Variants in NEK11 observed in about 807,000 individuals in gnomAD.
NEK11 encodes serine/threonine-protein kinase Nek11.
NEK11 carries 72 observed loss-of-function variants against 80.7 expected under a neutral mutation model. That is an observed-to-expected ratio of 0.89 (90% CI 0.74 to 1.08). The LOEUF is 1.08. Among genes scored for constraint, NEK11 ranks in the 50% least tolerant of loss-of-function variants. The probability of loss-of-function intolerance (pLI) is 0.00; values close to 1 mark genes in which losing one functional copy is unlikely to be tolerated. For synonymous variants in NEK11, 251 were observed against 260.7 expected, an observed-to-expected ratio of 0.96 and a Z score of 0.36; for missense variants, 764 against 763.6, an observed-to-expected ratio of 1.00 and a Z score of -0.01.
At chr3:131,047,996 TTA>T (rs200151821) in intron 3 of NEK11, among the ~76,000 whole-genome samples, 176 of 152,160 alleles carry the variant, frequency 1.2e-3, no homozygotes, top group African/African-American at 4.1e-3. Flanking sequence ...GCCAGTGGGA[TTA>T]TGTTTCCAGG....
chr3:131,167,404 G>A (rs1261018332), intron 12 of NEK11, among the ~76,000 whole-genome samples: 1 of 152,110 alleles, frequency 6.6e-6, no homozygotes, highest in Non-Finnish European at 1.5e-5. Context: ...GTTACCATAT[G>A]GCAAAAAAGA....
intron 5 of NEK11, among the ~76,000 whole-genome samples, chr3:131,113,949 A>G (rs2080573540): frequency 6.6e-6 from 1 of 151,364 alleles, no homozygotes; most frequent in Non-Finnish European, 1.5e-5. Flanking sequence ...GCTTAAATAT[A>G]ACTATTGTTT....
At chr3:131,174,011 C>T (rs1014647941) in intron 14 of NEK11, among the ~76,000 whole-genome samples, 1 of 151,998 alleles carries the variant, frequency 6.6e-6, no homozygotes, top group Admixed American at 6.6e-5. Context: ...TAAACATTTC[C>T]GTTATTTTTT....
chr3:131,296,727 T>C (rs1389117453), intron 17 of NEK11, among the ~76,000 whole-genome samples: 3 of 152,082 alleles, frequency 2.0e-5, no homozygotes, highest in Admixed American at 1.3e-4. Context: ...TAGTTACATA[T>C]GTGTACATGT....
chr3:131,074,684 G>C (rs1306571455), intron 3 of NEK11, among the ~76,000 whole-genome samples: 2 of 152,138 alleles, frequency 1.3e-5, no homozygotes, highest in Non-Finnish European at 2.9e-5. Flanking sequence ...TTTGCTGCTT[G>C]AGCTCCACCC....
At chr3:131,266,718 A>C (rs566401973) in intron 16 of NEK11, among the ~76,000 whole-genome samples, 2 of 152,334 alleles carry the variant, frequency 1.3e-5, no homozygotes, top group Admixed American at 6.5e-5. Context: ...GATGTCTATT[A>C]GGTCTGCCTG....
chr3:131,118,037 T>TC (rs1457636321), intron 5 of NEK11, among the ~76,000 whole-genome samples: 2 of 152,166 alleles, frequency 1.3e-5, no homozygotes, highest in African/African-American at 4.8e-5. Flanking sequence ...AGAGAGGGCA[T>TC]CCCTGTCTTG....
rs144631196 is a variant in NEK11, at chr3:131,305,435, C to G, written c.1718+31861C>G. Reference sequence around the variant, plus strand: ...AGGGTGGGGCCCCAGGAGAAGCCAGCAGACACAGGAGTGCTCAGATTGGAC... The same window carrying G: ...AGGGTGGGGCCCCAGGAGAAGCCAGGAGACACAGGAGTGCTCAGATTGGAC... On this transcript the variant is annotated intron_variant, in intron 17 of 17. Coordinates refer to ENST00000383366, the MANE Select transcript of NEK11 (RefSeq NM_024800.5). Among the ~76,000 whole-genome samples the G allele has an allele frequency of 1.4e-4, 21 of 152,204 alleles. No homozygotes were observed. The East Asian group carries it at 4.1e-3, about 30-fold the overall frequency.
At chr3:131,291,924 C>T (rs2096547524) in intron 17 of NEK11, among the ~76,000 whole-genome samples, 1 of 152,176 alleles carries the variant, frequency 6.6e-6, no homozygotes, top group South Asian at 2.1e-4. Context: ...TTGTCTTTCA[C>T]AGAGCGGTCC....
intron 17 of NEK11, among the ~76,000 whole-genome samples, chr3:131,275,604 T>TTTTATA (rs2096278882): frequency 6.6e-6 from 1 of 152,194 alleles, no homozygotes; most frequent in East Asian, 1.9e-4. Context: ...CCTGCCATCC[T>TTTTATA]TTTATATTTT....
intron 3 of NEK11, among the ~76,000 whole-genome samples, chr3:131,030,103 G>C (rs1457240820): frequency 6.6e-6 from 1 of 152,134 alleles, no homozygotes; most frequent in Non-Finnish European, 1.5e-5. Context: ...AGCCAGGCAG[G>C]GTGGTACATG....
At chr3:131,265,972 T>C (rs910746436) in intron 16 of NEK11, among the ~76,000 whole-genome samples, 1 of 152,232 alleles carries the variant, frequency 6.6e-6, no homozygotes, top group African/African-American at 2.4e-5. Flanking sequence ...AATTTATCCA[T>C]TTCTTCTAGA....
chr3:131,234,415 C>T (rs527752302), intron 15 of NEK11, among the ~76,000 whole-genome samples: 92 of 152,198 alleles, frequency 6.0e-4, no homozygotes, highest in Non-Finnish European at 1.0e-3. Flanking sequence ...TAGAGGTCAT[C>T]AGTTCTAAAA....
intron 17 of NEK11, among the ~76,000 whole-genome samples, chr3:131,290,751 T>A (rs1206821916): frequency 1.3e-5 from 2 of 152,204 alleles, no homozygotes; most frequent in Non-Finnish European, 2.9e-5. Context: ...AACTGCCTAC[T>A]GGAAAAATCA....
chr3:131,144,307 C>A (rs1951417913), intron 7 of NEK11, among the ~76,000 whole-genome samples: 1 of 152,096 alleles, frequency 6.6e-6, no homozygotes, highest in South Asian at 2.1e-4. Flanking sequence ...TCACAGTTGT[C>A]TGTATTTTGG....
At chr3:131,332,484 G>T (rs1370260532) in intron 17 of NEK11, among the ~76,000 whole-genome samples, 1 of 152,124 alleles carries the variant, frequency 6.6e-6, no homozygotes, top group Non-Finnish European at 1.5e-5. Flanking sequence ...CATCATCAAA[G>T]ACCAAAAGTA....
At chr3:131,201,193 C>CTATA (rs897070613) in intron 14 of NEK11, among the ~76,000 whole-genome samples, 1 of 145,298 alleles carries the variant, frequency 6.9e-6, no homozygotes, top group African/African-American at 2.5e-5. Flanking sequence ...ATATATATAA[C>CTATA]TATATATATA....
chr3:131,150,302 T>C (rs2089383437), intron 7 of NEK11, among the ~76,000 whole-genome samples: 1 of 152,062 alleles, frequency 6.6e-6, no homozygotes. Context: ...ATTCTGTTAT[T>C]GTTGGTTGCA....
intron 7 of NEK11, among the ~76,000 whole-genome samples, chr3:131,140,552 T>A (rs1442700765): frequency 6.6e-6 from 1 of 152,116 alleles, no homozygotes; most frequent in Non-Finnish European, 1.5e-5. Context: ...AGGTTTGGGG[T>A]GGTTTTTTAT....
Sources: allele counts gnomAD v4.1 joint callset (sites outside exome capture counted in the v4.1 genomes callset), GRCh38; gene constraint gnomAD v4.1.1; transcripts MANE v1.5; gene names NCBI Gene and HGNC (gene_info 2026-07-23, HGNC 2026-07-21).